Variants in RALGAPA1 observed in about 807,000 individuals in gnomAD.
RALGAPA1 encodes ral GTPase-activating protein subunit alpha-1.
A neutral mutation model predicts 269.6 loss-of-function variants in RALGAPA1; 52 were observed. The ratio of observed to expected loss-of-function variants is 0.19; its 90% CI spans 0.15 to 0.24. The LOEUF (loss-of-function observed/expected upper bound fraction) is 0.24. RALGAPA1 is among the 10% of genes least tolerant of loss of function. The pLI is 1.00. For missense variants in RALGAPA1, 1,917 were observed against 3,013.9 expected (o/e 0.64, Z 8.52); for synonymous variants, 817 against 1,008.3 (o/e 0.81, Z 3.60).
intron 10 of RALGAPA1, among the ~76,000 whole-genome samples, chr14:35,748,031 C>T (rs1393917669): frequency 6.6e-6 from 1 of 151,778 alleles, no homozygotes; most frequent in Non-Finnish European, 1.5e-5. Flanking sequence ...AAACCATTTA[C>T]TGATGATAGA....
intron 37 of RALGAPA1, among the ~76,000 whole-genome samples, chr14:35,574,504 C>T (rs149198653): frequency 3.0e-3 from 455 of 152,182 alleles, no homozygotes; most frequent in Non-Finnish European, 4.9e-3. Context: ...ACATTTTAAG[C>T]GAAAAGCTTC....
chr14:35,635,145 T>G (rs1000796548), intron 32 of RALGAPA1, among the ~76,000 whole-genome samples: 1 of 151,300 alleles, frequency 6.6e-6, no homozygotes, highest in Non-Finnish European at 1.5e-5. Flanking sequence ...CACTCCAGCC[T>G]GGGTAACAAG....
chr14:35,597,861 T>A (rs538811898), intron 36 of RALGAPA1, among the ~76,000 whole-genome samples: 1 of 152,344 alleles, frequency 6.6e-6, no homozygotes, highest in South Asian at 2.1e-4. Context: ...GATTTCAAGT[T>A]TGATTCCATT....
chr14:35,808,581 C>T (rs2077541513), intron 1 of RALGAPA1, 149 bp downstream of exon 1: 4 of 779,984 alleles, frequency 5.1e-6, no homozygotes, highest in South Asian at 1.7e-5. Context: ...TTCGCTTCTC[C>T]GAATTATTCA....
At chr14:35,793,300 C>T (rs1019158252) in intron 1 of RALGAPA1, among the ~76,000 whole-genome samples, 3 of 150,854 alleles carry the variant, frequency 2.0e-5, no homozygotes, top group Non-Finnish European at 1.5e-5. Flanking sequence ...TGCAATGGCA[C>T]AATCTCGGCT....
At chr14:35,760,570 A>G (rs1184266476) in intron 6 of RALGAPA1, among the ~76,000 whole-genome samples, 2 of 152,180 alleles carry the variant, frequency 1.3e-5, no homozygotes, top group Admixed American at 1.3e-4. Context: ...CTGCCTCCTG[A>G]CCAACTCTGG....
intron 9 of RALGAPA1, among the ~76,000 whole-genome samples, 186 bp downstream of exon 9, chr14:35,750,296 C>T (rs1462091073): frequency 3.3e-5 from 5 of 151,980 alleles, no homozygotes; most frequent in East Asian, 3.8e-4. Context: ...CTATACTTCC[C>T]GTTTCATTTC....
chr14:35,740,676 C>CG (rs1172920289), intron 11 of RALGAPA1, among the ~76,000 whole-genome samples: 1 of 152,050 alleles, frequency 6.6e-6, no homozygotes, highest in Admixed American at 6.6e-5. Flanking sequence ...GGCATGGTGG[C>CG]GAGTGCCTGT....
At chr14:35,759,229 TACAA>T (rs1187159795) in intron 6 of RALGAPA1, among the ~76,000 whole-genome samples, 2 of 152,240 alleles carry the variant, frequency 1.3e-5, no homozygotes, top group East Asian at 1.9e-4. Context: ...AATTTTGTTC[TACAA>T]ACATAGTTTT....
At position 35,547,199 on chromosome 14, in the gene RALGAPA1, T is replaced by A. The variant is rs538755941; in HGVS notation, c.*23+1309A>T. On this transcript the variant is annotated intron_variant, in intron 41 of 41. Transcript: ENST00000680220. ...GTTCAAATTCACATTTTTACTACTA[T>A]TTAGACAATCATAAGTGTTATTTTA... is the stretch of plus-strand genomic sequence containing the variant. Among the ~76,000 whole-genome samples, 3 of 152,248 alleles carry A rather than the reference T, an allele frequency of 2.0e-5. No individual in the cohort carries two copies. In the South Asian group the frequency reaches 6.2e-4, roughly 32 times the overall value.
At chr14:35,760,680 T>G in intron 6 of RALGAPA1, 149 bp downstream of exon 6, 1 of 548,180 alleles carries the variant, frequency 1.8e-6, no homozygotes, top group South Asian at 3.6e-5. Context: ...TCTGCTGACT[T>G]CACCATACCT....
chr14:35,725,510 C>T (rs955244495), intron 13 of RALGAPA1, among the ~76,000 whole-genome samples: 1 of 152,114 alleles, frequency 6.6e-6, no homozygotes, highest in East Asian at 1.9e-4. Flanking sequence ...TATAGTTCTA[C>T]CCAGATGGAA....
chr14:35,705,113 C>T (rs1430428849), intron 16 of RALGAPA1, among the ~76,000 whole-genome samples: 3 of 152,222 alleles, frequency 2.0e-5, no homozygotes, highest in Middle Eastern at 3.4e-3. Context: ...CAATTATTAA[C>T]ATCTTGTATT....
chr14:35,687,151 A>G (rs1366360827), intron 18 of RALGAPA1, among the ~76,000 whole-genome samples: 1 of 152,140 alleles, frequency 6.6e-6, no homozygotes, highest in African/African-American at 2.4e-5. Context: ...ATCCACTATA[A>G]AATCTAATTT....
intron 35 of RALGAPA1, among the ~76,000 whole-genome samples, chr14:35,609,241 A>G (rs28873803): frequency 6.6e-6 from 1 of 151,632 alleles, no homozygotes; most frequent in Non-Finnish European, 1.5e-5. Context: ...AAAAAAAACC[A>G]AAAAACAAAA....
At chr14:35,591,392 T>C (rs56966534) in intron 37 of RALGAPA1, among the ~76,000 whole-genome samples, 161 of 152,256 alleles carry the variant, frequency 1.1e-3, no homozygotes, top group African/African-American at 3.7e-3. Flanking sequence ...CATGGCACAC[T>C]GTAGCCTGGA....
chr14:35,709,799 T>C (rs2068135411), intron 16 of RALGAPA1, among the ~76,000 whole-genome samples: 1 of 152,206 alleles, frequency 6.6e-6, no homozygotes, highest in Non-Finnish European at 1.5e-5. Context: ...CTTTGAACTG[T>C]GCGTTATTTA....
intron 37 of RALGAPA1, among the ~76,000 whole-genome samples, chr14:35,585,349 A>T (rs2058212888): frequency 2.0e-5 from 3 of 152,228 alleles, no homozygotes; most frequent in Non-Finnish European, 4.4e-5. Flanking sequence ...AAAACCCCAA[A>T]ATACCTGGAG....
chr14:35,804,921 G>C (rs2077249954), intron 1 of RALGAPA1, among the ~76,000 whole-genome samples: 1 of 151,952 alleles, frequency 6.6e-6, no homozygotes, highest in East Asian at 1.9e-4. Flanking sequence ...AGAAGACCCT[G>C]TCACAAGAAA....
Sources: allele counts gnomAD v4.1 joint callset (sites outside exome capture counted in the v4.1 genomes callset), GRCh38; gene constraint gnomAD v4.1.1; transcripts MANE v1.5; gene names NCBI Gene and HGNC (gene_info 2026-07-23, HGNC 2026-07-21).